Variants in ADCY2 observed in about 807,000 individuals in gnomAD.
ADCY2 encodes the protein adenylate cyclase 2, also known as adenylate cyclase type 2.
Under a neutral mutation model 125.2 loss-of-function variants are expected in ADCY2, and 31 were observed. The ratio of observed to expected loss-of-function variants is 0.25; its 90% CI spans 0.19 to 0.33. The LOEUF (loss-of-function observed/expected upper bound fraction) is 0.33. ADCY2 is among the 10% of genes least tolerant of loss of function. The pLI, the probability that ADCY2 is intolerant of heterozygous loss-of-function variation, is 1.00. For synonymous variants in ADCY2, 512 were observed against 548.4 expected, an observed-to-expected ratio of 0.93 and a Z score of 0.93; for missense variants, 904 against 1,418.2, an observed-to-expected ratio of 0.64 and a Z score of 5.82.
At chr5:7,602,821 A>G (rs1471915216) in intron 3 of ADCY2, among the ~76,000 whole-genome samples, 2 of 152,260 alleles carry the variant, frequency 1.3e-5, no homozygotes, top group East Asian at 1.9e-4. Flanking sequence ...TACTGACTCA[A>G]TTGGGCTGTT....
chr5:7,537,241 C>A (rs1734844868), intron 3 of ADCY2, among the ~76,000 whole-genome samples: 1 of 152,204 alleles, frequency 6.6e-6, no homozygotes, highest in Admixed American at 6.5e-5. Flanking sequence ...CATTTAATTA[C>A]AGGACTTTTG....
At position 7,649,289 on chromosome 5, in the gene ADCY2, T is replaced by C. The variant is rs147486113; in HGVS notation, c.720+22973T>C. 9.6e-4 allele frequency among the ~76,000 whole-genome samples: 146 copies of C among 152,332 alleles called. 1 individual carries two copies. Among genetic ancestry groups the C allele is most frequent in the African/African-American group, 3.4e-3 (143 of 41,580 alleles). ...TAAGATTAAGCCTGGACATTTGAGC[T>C]CTCTGGACATTGCATTTATTTATGG... On this transcript the variant is annotated intron_variant, in intron 4 of 24. Coordinates refer to ENST00000338316, the MANE Select transcript of ADCY2 (RefSeq NM_020546.3).
intron 4 of ADCY2, among the ~76,000 whole-genome samples, chr5:7,627,057 A>G (rs1226478500): frequency 6.6e-6 from 1 of 152,118 alleles, no homozygotes; most frequent in Non-Finnish European, 1.5e-5. Flanking sequence ...TATGACAAGC[A>G]TTTGCACCAG....
At chr5:7,514,258 T>C (rs958636577) in intron 2 of ADCY2, among the ~76,000 whole-genome samples, 1 of 152,196 alleles carries the variant, frequency 6.6e-6, no homozygotes, top group Non-Finnish European at 1.5e-5. Context: ...CTGATAGACC[T>C]GATGTGTGTA....
At chr5:7,695,225 C>G (rs1740849609) in intron 5 of ADCY2, among the ~76,000 whole-genome samples, 1 of 152,220 alleles carries the variant, frequency 6.6e-6, no homozygotes, top group Non-Finnish European at 1.5e-5. Context: ...TCTGTCATTT[C>G]CGAAGAGTGA....
chr5:7,732,708 CAT>C (rs67789541), intron 14 of ADCY2, among the ~76,000 whole-genome samples: 68,109 of 151,908 alleles, frequency 0.45, 16,373 homozygotes, highest in East Asian at 0.94. Context: ...TAAATTGCCT[CAT>C]GTGTTTTTGA....
At chr5:7,581,325 A>T (rs924714124) in intron 3 of ADCY2, among the ~76,000 whole-genome samples, 2 of 152,160 alleles carry the variant, frequency 1.3e-5, no homozygotes, top group African/African-American at 4.8e-5. Context: ...TATATTTCAT[A>T]TATAGAGTAT....
intron 12 of ADCY2, 22 bp downstream of exon 12, chr5:7,717,259 AT>A (rs1561184865): frequency 6.6e-7 from 1 of 1,522,168 alleles, no homozygotes; most frequent in Middle Eastern, 1.7e-4. Flanking sequence ...TTTCTCTTAA[AT>A]TATCTTTCAT....
At chr5:7,618,630 C>T (rs1462266149) in intron 3 of ADCY2, among the ~76,000 whole-genome samples, 2 of 152,094 alleles carry the variant, frequency 1.3e-5, no homozygotes, top group African/African-American at 4.8e-5. Flanking sequence ...CATGTGTCAC[C>T]TATTAAGTGG....
chr5:7,568,708 A>C (rs2126597310), intron 3 of ADCY2, among the ~76,000 whole-genome samples: 1 of 152,338 alleles, frequency 6.6e-6, no homozygotes, highest in Non-Finnish European at 1.5e-5. Context: ...TTTCTAGTTA[A>C]ATCAAAAATT....
chr5:7,648,627 T>TA (rs1011508665), intron 4 of ADCY2, among the ~76,000 whole-genome samples: 72 of 152,302 alleles, frequency 4.7e-4, no homozygotes, highest in African/African-American at 1.6e-3. Context: ...AACACTGACT[T>TA]ACTGTGAGAA....
intron 20 of ADCY2, among the ~76,000 whole-genome samples, chr5:7,792,015 A>G (rs1744263466): frequency 6.6e-6 from 1 of 152,036 alleles, no homozygotes; most frequent in Non-Finnish European, 1.5e-5. Context: ...AGGCACCAGG[A>G]AAGTGCCTAA....
intron 2 of ADCY2, among the ~76,000 whole-genome samples, chr5:7,484,228 A>C (rs1372885896): frequency 6.6e-6 from 1 of 152,240 alleles, no homozygotes; most frequent in Non-Finnish European, 1.5e-5. Flanking sequence ...AGGTCTTCTA[A>C]GTGACCAGCT....
intron 18 of ADCY2, among the ~76,000 whole-genome samples, chr5:7,780,327 A>G (rs1445962003): frequency 6.6e-6 from 1 of 152,208 alleles, no homozygotes; most frequent in African/African-American, 2.4e-5. Context: ...TCCTTGTGGC[A>G]TTATCAATTC....
chr5:7,547,701 GT>G (rs2126569394), intron 3 of ADCY2, among the ~76,000 whole-genome samples: 1 of 152,294 alleles, frequency 6.6e-6, no homozygotes, highest in East Asian at 1.9e-4. Context: ...GACACGCAAC[GT>G]TTTGTAGTGA....
chr5:7,442,205 T>C (rs979182003), intron 2 of ADCY2, among the ~76,000 whole-genome samples: 5 of 152,186 alleles, frequency 3.3e-5, no homozygotes, highest in African/African-American at 1.2e-4. Flanking sequence ...CATTTGCATG[T>C]TGTGCCTCCT....
chr5:7,800,068 T>G (rs1744544204), intron 20 of ADCY2: 1 of 152,110 alleles, frequency 6.6e-6, no homozygotes. Flanking sequence ...AAGTATAAAG[T>G]ATAGTATTTA....
chr5:7,460,949 C>T (rs1484952156), intron 2 of ADCY2, among the ~76,000 whole-genome samples: 2 of 152,148 alleles, frequency 1.3e-5, no homozygotes, highest in African/African-American at 4.8e-5. Flanking sequence ...ATCTCAGCCA[C>T]AGTTGTTTAT....
chr5:7,740,037 A>T (rs1742365124), intron 14 of ADCY2, among the ~76,000 whole-genome samples: 2 of 151,970 alleles, frequency 1.3e-5, no homozygotes, highest in Non-Finnish European at 2.9e-5. Flanking sequence ...TTGTGAATGG[A>T]TAAAAATGTC....
Sources: allele counts gnomAD v4.1 joint callset (sites outside exome capture counted in the v4.1 genomes callset), GRCh38; gene constraint gnomAD v4.1.1; transcripts MANE v1.5; gene names NCBI Gene and HGNC (gene_info 2026-07-23, HGNC 2026-07-21).